INKA2: variants seen among roughly 807,000 people sequenced by gnomAD.
INKA2 encodes inka box actin regulator 2, also known as PAK4-inhibitor INKA2.
In INKA2, 3 loss-of-function variants were observed where a neutral mutation model predicts 9.8. That is an observed-to-expected ratio of 0.31 (90% CI 0.14 to 0.79). INKA2 has a LOEUF of 0.79. INKA2 is among the 30% of genes least tolerant of loss of function. The pLI, the probability that INKA2 is intolerant of heterozygous loss-of-function variation, is 0.62. For missense variants in INKA2, 392 were observed against 384.4 expected (o/e 1.02, Z -0.17); for synonymous variants, 147 against 143.3 (o/e 1.03, Z -0.18).
intron 1 of INKA2, among the ~76,000 whole-genome samples, chr1:111,732,624 A>G (rs2101365950): frequency 6.6e-6 from 1 of 150,538 alleles, no homozygotes; most frequent in Middle Eastern, 3.4e-3. Flanking sequence ...TCCACCATCA[A>G]AGGTAAAACC....
In INKA2 at chr1:111,723,447, G is replaced by C; in HGVS notation, c.*3521C>G. Reference sequence around the variant, plus strand: ...CGGCCCCACTAGCATGCCCAGCAGGGACTCTTTTCTGTTCCCTGGGCCACA... The same window carrying C: ...CGGCCCCACTAGCATGCCCAGCAGGCACTCTTTTCTGTTCCCTGGGCCACA... On this transcript the variant is annotated 3_prime_UTR_variant, in exon 2 of 2. Coordinates refer to ENST00000357260, the MANE Select transcript of INKA2 (RefSeq NM_019099.5). 3.1e-6 allele frequency: 1 copy of C among 323,050 alleles called. No individual in the cohort carries two copies. The highest frequency in any genetic ancestry group is 5.7e-6 in the Non-Finnish European group (1 of 176,692). The allele number at this position is 323,050 out of a possible 1,614,324, so 20.0% of individuals were successfully genotyped here. A position where few individuals can be genotyped will look rare whatever the true frequency, so the allele number is the denominator to read the frequency against.
chr1:111,755,471 G>A (rs944721504), intron 1 of INKA2: 20 of 569,434 alleles, frequency 3.5e-5, no homozygotes, highest in Admixed American at 6.8e-5. Context: ...AGGGTACGGA[G>A]CGGGTAGCGT....
intron 1 of INKA2, among the ~76,000 whole-genome samples, chr1:111,750,073 G>A (rs928593228): frequency 6.6e-6 from 1 of 152,224 alleles, no homozygotes; most frequent in African/African-American, 2.4e-5. Flanking sequence ...CCCCTTTCTC[G>A]AAAGAAGAGC....
At chr1:111,737,039 T>G (rs1663021280) in intron 1 of INKA2, among the ~76,000 whole-genome samples, 1 of 151,146 alleles carries the variant, frequency 6.6e-6, no homozygotes, top group East Asian at 1.9e-4. Context: ...AGGCTGGCAT[T>G]GGGGAGGGGG....
upstream of INKA2, among the ~76,000 whole-genome samples, chr1:111,741,014 A>C (rs1426475917): frequency 7.7e-6 from 1 of 130,646 alleles, no homozygotes; most frequent in African/African-American, 3.0e-5. Context: ...AAAAAAAAAA[A>C]AAAAGACAGG....
intron 1 of INKA2, chr1:111,746,751 A>T (rs1032563604): frequency 1.3e-5 from 2 of 152,302 alleles, no homozygotes; most frequent in African/African-American, 4.8e-5. Context: ...CTTGGGAGGT[A>T]GGTGCTGCTA....
chr1:111,728,902 G>GTTTTTTTTTTT (rs1557909328), intron 1 of INKA2, among the ~76,000 whole-genome samples: 13 of 47,012 alleles, frequency 2.8e-4, no homozygotes, highest in African/African-American at 5.2e-4. Context: ...GTGGAGCTAG[G>GTTTTTTTTTTT]CTTTTTTTTT....
chr1:111,729,998 T>A (rs1662871272), intron 1 of INKA2, among the ~76,000 whole-genome samples: 1 of 152,212 alleles, frequency 6.6e-6, no homozygotes, highest in Non-Finnish European at 1.5e-5. Context: ...GAAATGGTGG[T>A]TCCAGGCCCT....
In INKA2 at chr1:111,739,274, G is replaced by A; in HGVS notation, c.-32C>T. ...ATTTGTCGGGTTCGGTTCAAACAGA[G>A]AGGGCCCGGGTGAAACCCCGGCCCC... On this transcript the variant is annotated 5_prime_UTR_variant, in exon 1 of 2. Transcript: ENST00000357260. The A allele has an allele frequency of 6.2e-7, 1 of 1,613,094 alleles. No homozygotes were observed. Among genetic ancestry groups the A allele is most frequent in the Non-Finnish European group, 8.5e-7 (1 of 1,179,530 alleles).
upstream of INKA2, among the ~76,000 whole-genome samples, chr1:111,741,517 G>C (rs1381109054): frequency 6.6e-6 from 1 of 152,218 alleles, no homozygotes; most frequent in African/African-American, 2.4e-5. Context: ...AAGAAGTTCT[G>C]TAGTTGAATA....
chr1:111,727,419 C>G lies in INKA2; in HGVS notation c.443G>C (p.Arg148Pro), dbSNP rs142952172. The change falls in exon 2 of 2, where the codon CGG becomes CCG. Residue 148 changes from arginine to proline, a missense_variant. Coordinates refer to ENST00000357260, the MANE Select transcript of INKA2 (RefSeq NM_019099.5). ...CACCAGAGGCTGTCGATTCCGGCCC[C>G]GGGACATCAACGTGGAGGTCCAGTC... ...PDDWTSTLMS[R>P]GRNRQPLVLG... 8 of 1,614,112 alleles carry G rather than the reference C, an allele frequency of 5.0e-6. No homozygotes were observed. Among genetic ancestry groups the G allele is most frequent in the Non-Finnish European group, 5.9e-6 (7 of 1,179,998 alleles).
chr1:111,748,409 G>A (rs548027995), intron 1 of INKA2, among the ~76,000 whole-genome samples: 1 of 152,312 alleles, frequency 6.6e-6, no homozygotes, highest in Non-Finnish European at 1.5e-5. Flanking sequence ...TCTTGTGAAG[G>A]TAAAGTATGC....
At chr1:111,729,432 T>G (rs1221045751) in intron 1 of INKA2, among the ~76,000 whole-genome samples, 1 of 152,140 alleles carries the variant, frequency 6.6e-6, no homozygotes, top group Non-Finnish European at 1.5e-5. Context: ...CCTTTGTGGG[T>G]GTCTAAGGCC....
At chr1:111,755,610 GGCGGCTCC>G (rs1204574471) in intron 1 of INKA2, 2 of 1,517,698 alleles carry the variant, frequency 1.3e-6, no homozygotes, top group African/African-American at 2.8e-5. Flanking sequence ...GGCACGGCTG[GGCGGCTCC>G]GCCCAGAAGA....
chr1:111,745,320 A>C (rs1663250323), intron 1 of INKA2: 1 of 94,424 alleles, frequency 1.1e-5, no homozygotes, highest in African/African-American at 4.2e-5. Flanking sequence ...TTTTTGAGAC[A>C]GGGTCTCACT....
At chr1:111,729,417 C>T (rs1191753431) in intron 1 of INKA2, among the ~76,000 whole-genome samples, 1 of 152,258 alleles carries the variant, frequency 6.6e-6, no homozygotes, top group African/African-American at 2.4e-5. Context: ...CCAATTCTCC[C>T]AGCCCCTTTG....
intron 1 of INKA2, chr1:111,755,320 G>A (rs1557919307): frequency 3.8e-6 from 1 of 263,884 alleles, no homozygotes. Flanking sequence ...CCAGGGACTT[G>A]CTAGGAGATA....
intron 1 of INKA2, among the ~76,000 whole-genome samples, chr1:111,728,061 A>ACACACACACACACACACAC (rs1453156151): frequency 6.6e-6 from 1 of 151,634 alleles, no homozygotes; most frequent in African/African-American, 2.4e-5. Flanking sequence ...ACACACACAC[A>ACACACACACACACACACAC]CACACACACA....
chr1:111,746,476 TAG>T (rs1337793816), intron 1 of INKA2: 1 of 152,242 alleles, frequency 6.6e-6, no homozygotes, highest in Non-Finnish European at 1.5e-5. Context: ...ACTGAGGCAA[TAG>T]AGAGTGAATA....
Sources: allele counts gnomAD v4.1 joint callset (sites outside exome capture counted in the v4.1 genomes callset), GRCh38; gene constraint gnomAD v4.1.1; transcripts MANE v1.5; gene names NCBI Gene and HGNC (gene_info 2026-07-23, HGNC 2026-07-21).